The following RIMBP2 variants were observed in gnomAD, a reference collection of about 807,000 sequenced individuals.
RIMBP2 encodes RIMS binding protein 2, also known as RIMS-binding protein 2.
Under a neutral mutation model 118.6 loss-of-function variants are expected in RIMBP2, and 48 were observed. That is an observed-to-expected ratio of 0.40 (90% CI 0.32 to 0.51). RIMBP2 has a LOEUF of 0.51. Among genes scored for constraint, RIMBP2 ranks in the 20% least tolerant of loss-of-function variants. The pLI, the probability that RIMBP2 is intolerant of heterozygous loss-of-function variation, is 0.41. For missense variants in RIMBP2, 1,551 were observed against 1,768.3 expected, an observed-to-expected ratio of 0.88 and a Z score of 2.20; for synonymous variants, 762 against 742.9, an observed-to-expected ratio of 1.03 and a Z score of -0.42.
At position 130,638,850 on chromosome 12, in the gene RIMBP2, A is replaced by G. The variant is rs150343153; in HGVS notation, c.-351-10394T>C. 3.8e-3 allele frequency among the ~76,000 whole-genome samples: 581 copies of G among 152,256 alleles called. 4 individuals are homozygous for G. The highest frequency in any genetic ancestry group is 5.8e-3 in the Non-Finnish European group (394 of 68,020). Reference sequence around the variant, plus strand: ...CAGGAGGGATTTTTAGGGCAGTGGAACTACAGGGTCTGATGCTATGACAGA... The same window carrying G: ...CAGGAGGGATTTTTAGGGCAGTGGAGCTACAGGGTCTGATGCTATGACAGA... On this transcript the variant is annotated intron_variant, in intron 1 of 22. Transcript: ENST00000690449.
intron 4 of RIMBP2, among the ~76,000 whole-genome samples, chr12:130,489,924 G>T (rs1042542049): frequency 6.6e-6 from 1 of 152,066 alleles, no homozygotes; most frequent in Non-Finnish European, 1.5e-5. Flanking sequence ...AGGAGATCGA[G>T]ACCATCCTGG....
In RIMBP2 at chr12:130,670,040, G is replaced by A. The variant is rs11061070; in HGVS notation, c.-351-41584C>T. Among the ~76,000 whole-genome samples the A allele has an allele frequency of 5.3e-3, 813 of 152,234 alleles. 35 individuals carry two copies. In the East Asian group the frequency reaches 0.11, roughly 21 times the overall value. ...ATCCTGGATTATGCAGGTGGGCCCC[G>A]AATCCAATGACTGCTGTTTTTATAA... On this transcript the variant is annotated intron_variant, in intron 1 of 22. Coordinates refer to ENST00000690449, the MANE Select transcript of RIMBP2 (RefSeq NM_001393629.1). The surrounding 1 kb of genome is among the most constrained non-coding windows in gnomAD (Gnocchi z 4.9).
At chr12:130,591,641 C>T (rs886175231) in intron 2 of RIMBP2, among the ~76,000 whole-genome samples, 5 of 152,322 alleles carry the variant, frequency 3.3e-5, no homozygotes, top group East Asian at 1.9e-4. Flanking sequence ...ATCCAGCCTC[C>T]GCCCTGACCC....
chr12:130,451,195 G>A lies in RIMBP2; in HGVS notation c.504C>T (p.Asp168=), dbSNP rs150717208. 1.2e-5 allele frequency: 20 copies of A among 1,613,414 alleles called. No individual in the cohort carries two copies. Among genetic ancestry groups the A allele is most frequent in the East Asian group, 8.9e-5 (4 of 44,870 alleles). Residue 168 remains aspartate (D), a splice_region_variant and synonymous_variant, in exon 8 of 23, where the codon GAC becomes GAT. Coordinates refer to ENST00000690449, the MANE Select transcript of RIMBP2 (RefSeq NM_001393629.1). The part of the protein sequence containing the change: ...SGSARCRSES[D]MENERNSNTS... ...GCAGCCCCTGCGGGACGGGACTCAC[G>A]TCTGACTCAGATCTGCATCTTGCGC... is the stretch of plus-strand genomic sequence containing the variant.
rs953094234 is a variant in RIMBP2, at chr12:130,397,553, G to A, written c.3901-4C>T. On this transcript the variant is annotated splice_polypyrimidine_tract_variant and splice_region_variant and intron_variant, in intron 22 of 22. Transcript: ENST00000690449. Reference sequence around the variant, plus strand: ...TACCTGAACCCTCAGGAGGAACCTAGTAGGTACAGTGTTACAGTTTATTGA... The same window carrying A: ...TACCTGAACCCTCAGGAGGAACCTAATAGGTACAGTGTTACAGTTTATTGA... 2 of 399,036 alleles carry A rather than the reference G, an allele frequency of 5.0e-6. No homozygotes were observed. The highest frequency in any genetic ancestry group is 4.4e-6 in the Non-Finnish European group (1 of 226,096). The allele number at this position is 399,036 out of a possible 1,614,324, so 24.7% of individuals were successfully genotyped here.
intron 1 of RIMBP2, among the ~76,000 whole-genome samples, chr12:130,711,690 G>A (rs1275010344): frequency 6.6e-6 from 1 of 152,198 alleles, no homozygotes; most frequent in Admixed American, 6.5e-5. Flanking sequence ...TTACTTTTCA[G>A]GGACCCACCT....
intron 2 of RIMBP2, among the ~76,000 whole-genome samples, chr12:130,624,056 G>A (rs1594082990): frequency 6.6e-6 from 1 of 152,302 alleles, no homozygotes; most frequent in East Asian, 1.9e-4. Flanking sequence ...CTCTAGGAGA[G>A]CCCAGGCTGA....
chr12:130,481,208 A>AGGTGGGGAGGGC (rs1209030060), intron 4 of RIMBP2, among the ~76,000 whole-genome samples: 3 of 151,758 alleles, frequency 2.0e-5, no homozygotes, highest in East Asian at 1.9e-4. Context: ...AGGAGGAGGC[A>AGGTGGGGAGGGC]GACAGGCTGA....
At chr12:130,432,306 G>A (rs949539611) in intron 14 of RIMBP2, 2 of 456,432 alleles carry the variant, frequency 4.4e-6, no homozygotes, top group Admixed American at 4.7e-5. Context: ...TCTCAATTCT[G>A]TGGGCCTCAG....
At chr12:130,607,234 T>C (rs1384459653) in intron 2 of RIMBP2, among the ~76,000 whole-genome samples, 1 of 152,172 alleles carries the variant, frequency 6.6e-6, no homozygotes, top group Non-Finnish European at 1.5e-5. Context: ...GCTTAAATCC[T>C]GTAATGCACC....
At chr12:130,575,348 G>C (rs1052539658) in intron 2 of RIMBP2, among the ~76,000 whole-genome samples, 24 of 151,362 alleles carry the variant, frequency 1.6e-4, no homozygotes, top group African/African-American at 5.8e-4. Context: ...AAACACACTT[G>C]AGAGGTTGGG....
chr12:130,635,143 T>C (rs1365306911), intron 1 of RIMBP2, among the ~76,000 whole-genome samples: 1 of 152,168 alleles, frequency 6.6e-6, no homozygotes, highest in Non-Finnish European at 1.5e-5. Context: ...TTCATCAGAT[T>C]GCTTTGTTCC....
intron 2 of RIMBP2, among the ~76,000 whole-genome samples, chr12:130,538,200 A>C (rs2139488143): frequency 6.6e-6 from 1 of 152,296 alleles, no homozygotes; most frequent in East Asian, 1.9e-4. Context: ...GGACATTTAA[A>C]AAATAGAAAA....
intron 4 of RIMBP2, among the ~76,000 whole-genome samples, chr12:130,494,205 C>T (rs570184631): frequency 1.1e-4 from 16 of 152,242 alleles, no homozygotes; most frequent in African/African-American, 3.4e-4. Flanking sequence ...GGACAGACCC[C>T]GCCCTGGCCC....
At chr12:130,406,772 G>A (rs977736937) in intron 20 of RIMBP2, among the ~76,000 whole-genome samples, 2 of 152,122 alleles carry the variant, frequency 1.3e-5, no homozygotes, top group African/African-American at 4.8e-5. Flanking sequence ...TCAGCCTCCT[G>A]AGCAGCTGGG....
chr12:130,449,117 G>A (rs1246364097), intron 9 of RIMBP2, among the ~76,000 whole-genome samples: 2 of 152,236 alleles, frequency 1.3e-5, no homozygotes, highest in African/African-American at 2.4e-5. Flanking sequence ...TTGAAATACT[G>A]TCAGGTCAGC....
rs1373078519 is a variant in RIMBP2 at position 130,511,117 on chromosome 12, C to G, written c.-126-4347G>C. On this transcript the variant is annotated intron_variant, in intron 3 of 22. Transcript: ENST00000690449. The surrounding 1 kb of genome is among the most constrained non-coding windows in gnomAD (Gnocchi z 4.3). Reference sequence around the variant, plus strand: ...AGCACCGGGGTTATCCAGATGGGCTCTACGTAGTCACAGAGCCCTTATCAG... The same window carrying G: ...AGCACCGGGGTTATCCAGATGGGCTGTACGTAGTCACAGAGCCCTTATCAG... 6.6e-6 allele frequency among the ~76,000 whole-genome samples: 1 copy of G among 152,100 alleles called. No individual in the cohort carries two copies. Among genetic ancestry groups the G allele is most frequent in the African/African-American group, 2.4e-5 (1 of 41,414 alleles).
chr12:130,445,176 C>T lies in RIMBP2; in HGVS notation c.675G>A (p.Glu225=). 1 of 1,609,414 alleles carries T rather than the reference C, an allele frequency of 6.2e-7. No homozygotes were observed. ...AACAGAGACCTTCATAGAACCCATC[C>T]TCATCCATGTCTCCATAGACGTAGA... ...KYLYVYGDMD[E]DGFYEGELLD... Residue 225 remains glutamate (E), a synonymous_variant, in exon 10 of 23, where the codon GAG becomes GAA. Transcript: ENST00000690449.
chr12:130,550,967 G>C (rs1211573655), intron 2 of RIMBP2, among the ~76,000 whole-genome samples: 1 of 152,230 alleles, frequency 6.6e-6, no homozygotes, highest in Non-Finnish European at 1.5e-5. Flanking sequence ...GCAAGCACCT[G>C]TGTGTCTAAA....
Sources: gnomAD v4.1 joint callset for allele counts (sites outside exome capture counted in the v4.1 genomes callset) on GRCh38, gnomAD v4.1.1 for gene constraint, Gnocchi (gnomAD v3.1) non-coding constraint, MANE v1.5 for transcripts, NCBI Gene and HGNC (gene_info 2026-07-23, HGNC 2026-07-21) for gene names.